WDR48: variants seen among roughly 807,000 people sequenced by gnomAD.
WDR48 encodes the protein WD repeat-containing protein 48.
WDR48 carries 22 observed loss-of-function variants against 94.0 expected under a neutral mutation model. The ratio of observed to expected loss-of-function variants is 0.23; its 90% CI spans 0.17 to 0.33. The LOEUF is 0.33. WDR48 is among the 10% of genes least tolerant of loss of function. WDR48 has a pLI of 1.00. For synonymous variants in WDR48, 278 were observed against 280.5 expected (o/e 0.99, Z 0.09); for missense variants, 541 against 813.8 (o/e 0.66, Z 4.08).
At chr3:39,053,621 T>C (rs2032643435) in intron 1 of WDR48, among the ~76,000 whole-genome samples, 1 of 152,184 alleles carries the variant, frequency 6.6e-6, no homozygotes, top group South Asian at 2.1e-4. Context: ...AGAGTAAGGG[T>C]AGTTAATCAG....
Position 39,088,114 on chromosome 3 carries a change from G to A in WDR48, c.1475-14G>A, listed in dbSNP as rs2034902835. 1.2e-6 allele frequency: 2 copies of A among 1,612,848 alleles called. No individual in the cohort carries two copies. Among genetic ancestry groups the A allele is most frequent in the African/African-American group, 2.7e-5 (2 of 74,860 alleles). ...ACTAACTCTGATATTAACACCACCT[G>A]CATCTTTTCCTAGTAAATGGGGAGC... On this transcript the variant is annotated splice_polypyrimidine_tract_variant and intron_variant, in intron 14 of 18. Transcript: ENST00000302313.
At chr3:39,063,295 G>T in intron 2 of WDR48, 105 bp downstream of exon 2, 1 of 1,413,926 alleles carries the variant, frequency 7.1e-7, no homozygotes, top group South Asian at 1.4e-5. Context: ...TCTGAATGCT[G>T]AGTTATTTGG....
chr3:39,072,894 G>A (rs1268457282), intron 7 of WDR48, among the ~76,000 whole-genome samples: 1 of 152,120 alleles, frequency 6.6e-6, no homozygotes, highest in African/African-American at 2.4e-5. Flanking sequence ...CTGCTTTTCC[G>A]TAGTCTTAGA....
chr3:39,094,804 T>A lies in WDR48; in HGVS notation c.*61T>A, dbSNP rs1282831772. 3 of 1,588,646 alleles carry A rather than the reference T, an allele frequency of 1.9e-6. No individual in the cohort carries two copies. The highest frequency in any genetic ancestry group is 1.8e-4 in the Middle Eastern group (1 of 5,508). On this transcript the variant is annotated 3_prime_UTR_variant, in exon 19 of 19. Coordinates refer to ENST00000302313, the MANE Select transcript of WDR48 (RefSeq NM_020839.4). ...CCTTCCTCTATGGCCCCAAGAGTAG[T>A]CCTAGGAAGCCCACTGATCCCCAAC...
intron 17 of WDR48, among the ~76,000 whole-genome samples, chr3:39,092,449 T>C (rs914078458): frequency 2.0e-5 from 3 of 152,044 alleles, no homozygotes; most frequent in Non-Finnish European, 4.4e-5. Flanking sequence ...ATGCATAAGA[T>C]AGTGGAAAGT....
At position 39,068,633 on chromosome 3, in the gene WDR48, C is replaced by T. The variant is rs2033754085; in HGVS notation, c.482-138C>T. 7.2e-6 allele frequency: 4 copies of T among 559,028 alleles called. No homozygotes were observed. The East Asian group carries it at 1.1e-4, about 15-fold the overall frequency. The allele number at this position is 559,028 out of a possible 1,614,324, so 34.6% of individuals were successfully genotyped here. The stretch of plus-strand genomic sequence containing the variant: ...TAATAATACTGTTTAGATTTATCTC[C>T]ATTATAGGTAGATTTCTTTTCCGTA... On this transcript the variant is annotated intron_variant, in intron 5 of 18. Transcript: ENST00000302313.
chr3:39,074,248 C>G (rs552117097), intron 7 of WDR48, among the ~76,000 whole-genome samples: 1 of 152,292 alleles, frequency 6.6e-6, no homozygotes, highest in African/African-American at 2.4e-5. Flanking sequence ...GTAGAGAGGA[C>G]AAAGGCAGTT....
chr3:39,089,477 C>T, intron 16 of WDR48, 159 bp downstream of exon 16: 1 of 487,720 alleles, frequency 2.1e-6, no homozygotes, highest in Non-Finnish European at 3.5e-6. Context: ...AGAAATAGTA[C>T]TGATAATTAT....
At chr3:39,063,359 A>G (rs1034259165) in intron 2 of WDR48, among the ~76,000 whole-genome samples, 169 bp downstream of exon 2, 2 of 152,198 alleles carry the variant, frequency 1.3e-5, no homozygotes, top group Non-Finnish European at 2.9e-5. Flanking sequence ...GAGAAAAACC[A>G]TCCCTAGGAA....
At position 39,092,713 on chromosome 3, in the gene WDR48, A is replaced by T. The variant is rs534954080; in HGVS notation, c.1745+1012A>T. Among the ~76,000 whole-genome samples, 424 of 152,280 alleles carry T rather than the reference A, an allele frequency of 2.8e-3. 1 individual carries two copies. Among genetic ancestry groups the T allele is most frequent in the African/African-American group, 9.7e-3 (403 of 41,540 alleles). On this transcript the variant is annotated intron_variant, in intron 17 of 18. Coordinates refer to ENST00000302313, the MANE Select transcript of WDR48 (RefSeq NM_020839.4). ...CAATATGTATTCTAGCAAATAAAAT[A>T]AAAAAAATTTTTAAACCTTTTTATT...
intron 7 of WDR48, among the ~76,000 whole-genome samples, chr3:39,073,691 A>T (rs2034059777): frequency 6.6e-6 from 1 of 152,214 alleles, no homozygotes; most frequent in Non-Finnish European, 1.5e-5. Flanking sequence ...CAGTGTGCTC[A>T]GCCCTAATTT....
chr3:39,064,653 C>T (rs909827154), intron 2 of WDR48, among the ~76,000 whole-genome samples: 3 of 152,112 alleles, frequency 2.0e-5, no homozygotes, highest in African/African-American at 7.2e-5. Flanking sequence ...AGAATTAGTA[C>T]CCAGCCCAAC....
At chr3:39,065,765 T>G in intron 2 of WDR48, 46 bp from the exon 3 acceptor site, 1 of 1,372,448 alleles carries the variant, frequency 7.3e-7, no homozygotes, top group Non-Finnish European at 1.0e-6. Flanking sequence ...TTGTAATATA[T>G]TTCATTCTCT....
intron 18 of WDR48, 55 bp downstream of exon 18, chr3:39,094,121 G>C: frequency 2.6e-6 from 4 of 1,563,806 alleles, no homozygotes; most frequent in Non-Finnish European, 3.4e-6. Context: ...TGCTCATAAA[G>C]AGTTACATGC....
At position 39,096,442 on chromosome 3, in the gene WDR48, T is replaced by C. The variant is rs1003432042; in HGVS notation, c.*1699T>C. ...TCAGTTGTGTTTGCCCGAGGGGCCT[T>C]TGAGCAAAGAAATGGGTTTTGCTGG... On this transcript the variant is annotated 3_prime_UTR_variant, in exon 19 of 19. Transcript: ENST00000302313. The C allele has an allele frequency of 6.6e-6, 1 of 152,186 alleles. No individual in the cohort carries two copies. The highest frequency in any genetic ancestry group is 1.5e-5 in the Non-Finnish European group (1 of 68,036). The allele number at this position is 152,186 out of a possible 1,614,324, so 9.4% of individuals were successfully genotyped here.
Position 39,094,783 on chromosome 3 carries a change from C to G in WDR48, c.*40C>G. On this transcript the variant is annotated 3_prime_UTR_variant, in exon 19 of 19. Coordinates refer to ENST00000302313, the MANE Select transcript of WDR48 (RefSeq NM_020839.4). Reference sequence around the variant, plus strand: ...CTCCTGGATATTCATTTACGACCTTCCTCTATGGCCCCAAGAGTAGTCCTA... The same window carrying G: ...CTCCTGGATATTCATTTACGACCTTGCTCTATGGCCCCAAGAGTAGTCCTA... The G allele has an allele frequency of 6.2e-7, 1 of 1,611,040 alleles. No homozygotes were observed. The highest frequency in any genetic ancestry group is 8.5e-7 in the Non-Finnish European group (1 of 1,178,944).
intron 11 of WDR48, 91 bp from the exon 12 acceptor site, chr3:39,084,062 CAT>C (rs761951219): frequency 3.3e-4 from 278 of 849,364 alleles, no homozygotes; most frequent in East Asian, 4.4e-4. Flanking sequence ...CACTTAGACA[CAT>C]GTGAAAATAT....
intron 17 of WDR48, among the ~76,000 whole-genome samples, chr3:39,093,217 G>C (rs1036369026): frequency 1.3e-5 from 2 of 152,176 alleles, no homozygotes; most frequent in Non-Finnish European, 2.9e-5. Flanking sequence ...GGGGAGGAGA[G>C]CCCAGGGAAA....
intron 11 of WDR48, among the ~76,000 whole-genome samples, chr3:39,082,893 C>A (rs2034611884): frequency 6.6e-6 from 1 of 152,060 alleles, no homozygotes; most frequent in Non-Finnish European, 1.5e-5. Flanking sequence ...GTCAGAGTTT[C>A]CAAGGGACAT....
Sources: allele counts gnomAD v4.1 joint callset (sites outside exome capture counted in the v4.1 genomes callset), GRCh38; gene constraint gnomAD v4.1.1; transcripts MANE v1.5; gene names NCBI Gene and HGNC (gene_info 2026-07-23, HGNC 2026-07-21).